CCT6B: variants seen among roughly 807,000 people sequenced by gnomAD.
CCT6B encodes the protein probable T-complex protein 1 subunit zeta-2.
In CCT6B, 49 loss-of-function variants were observed where a neutral mutation model predicts 61.5. That is an observed-to-expected ratio of 0.80 (90% CI 0.63 to 1.01). The LOEUF (loss-of-function observed/expected upper bound fraction) is 1.01, where lower values mean the gene tolerates loss of function less well. CCT6B is among the 50% of genes least tolerant of loss of function. The pLI is 0.00. For missense variants in CCT6B, 666 were observed against 634.7 expected (o/e 1.05, Z -0.53); for synonymous variants, 228 against 214.5 (o/e 1.06, Z -0.55).
chr17:34,931,240 C>T (rs1438802249), intron 11 of CCT6B, among the ~76,000 whole-genome samples, 189 bp from the exon 12 acceptor site: 1 of 151,920 alleles, frequency 6.6e-6, no homozygotes, highest in Non-Finnish European at 1.5e-5. Flanking sequence ...TTTATATTTA[C>T]TTAAACATTT....
chr17:34,953,979 TAAAC>T (rs553366823), intron 4 of CCT6B, among the ~76,000 whole-genome samples: 149 of 152,080 alleles, frequency 9.8e-4, no homozygotes, highest in Non-Finnish European at 1.8e-3. Context: ...AGAAATAAAC[TAAAC>T]AAACATACAT....
intron 8 of CCT6B, 32 bp from the exon 9 acceptor site, chr17:34,939,745 T>C (rs762642033): frequency 3.9e-6 from 5 of 1,288,860 alleles, no homozygotes; most frequent in South Asian, 3.6e-5. Context: ...CATAGCTTGA[T>C]TATGGAGAAC....
intron 7 of CCT6B, among the ~76,000 whole-genome samples, chr17:34,940,975 T>C (rs541717460): frequency 6.6e-6 from 1 of 152,296 alleles, no homozygotes; most frequent in East Asian, 1.9e-4. Flanking sequence ...GATTCTCATA[T>C]CTCATTCAGT....
At chr17:34,942,728 G>C in intron 6 of CCT6B, 68 bp downstream of exon 6, 1 of 1,487,998 alleles carries the variant, frequency 6.7e-7, no homozygotes, top group Non-Finnish European at 9.2e-7. Flanking sequence ...CATCTGGAAG[G>C]AAAAAGAGAT....
intron 12 of CCT6B, 42 bp downstream of exon 12, chr17:34,930,902 AAGAAT>A (rs1476915613): frequency 4.0e-6 from 4 of 988,098 alleles, no homozygotes; most frequent in African/African-American, 1.6e-5. Context: ...TGGGTAACTA[AAGAAT>A]AACCTCTTTA....
At chr17:34,938,763 T>C (rs1266716396) in intron 10 of CCT6B, among the ~76,000 whole-genome samples, 2 of 151,624 alleles carry the variant, frequency 1.3e-5, no homozygotes, top group Non-Finnish European at 2.9e-5. Context: ...ATAGATTAAA[T>C]AGATTAATAA....
At chr17:34,949,095 G>GGAAAA (rs142689005) in intron 5 of CCT6B, among the ~76,000 whole-genome samples, 67 of 86,350 alleles carry the variant, frequency 7.8e-4, no homozygotes, top group Non-Finnish European at 8.2e-4. Flanking sequence ...GGGAGGGGAG[G>GGAAAA]GAAAAGAAAA....
At chr17:34,932,230 A>G in intron 11 of CCT6B, 137 bp downstream of exon 11, 1 of 766,316 alleles carries the variant, frequency 1.3e-6, no homozygotes, top group South Asian at 3.3e-5. Flanking sequence ...TAGTTGTAAA[A>G]TATCTAAGAG....
intron 1 of CCT6B, among the ~76,000 whole-genome samples, chr17:34,960,688 G>C (rs1395795776): frequency 6.6e-6 from 1 of 152,150 alleles, no homozygotes; most frequent in African/African-American, 2.4e-5. Context: ...TCATTACTAT[G>C]AGGATGTGTC....
At chr17:34,944,453 T>C (rs1332877675) in intron 5 of CCT6B, 1 of 152,220 alleles carries the variant, frequency 6.6e-6, no homozygotes, top group Non-Finnish European at 1.5e-5. Context: ...CTATCATTAA[T>C]ACAAAAAATC....
chr17:34,933,362 G>T (rs1001939484), intron 10 of CCT6B, among the ~76,000 whole-genome samples: 4 of 152,174 alleles, frequency 2.6e-5, no homozygotes, highest in African/African-American at 9.7e-5. Context: ...GTTTCATAAA[G>T]TTTATGACTC....
intron 10 of CCT6B, among the ~76,000 whole-genome samples, chr17:34,937,012 A>G (rs1226190582): frequency 6.6e-6 from 1 of 152,068 alleles, no homozygotes; most frequent in Non-Finnish European, 1.5e-5. Context: ...AAAAAAATTA[A>G]CCAGGCATGG....
intron 7 of CCT6B, 83 bp from the exon 8 acceptor site, chr17:34,940,704 C>CCTG: frequency 3.3e-6 from 2 of 597,480 alleles, no homozygotes; most frequent in Non-Finnish European, 5.7e-6. Flanking sequence ...CCACTTTACT[C>CCTG]TCTTAAAAAT....
intron 10 of CCT6B, among the ~76,000 whole-genome samples, chr17:34,936,020 G>A (rs1025848796): frequency 2.4e-4 from 37 of 151,880 alleles, no homozygotes; most frequent in South Asian, 2.1e-4. Flanking sequence ...GCACGATCTC[G>A]GCTCACTACA....
intron 5 of CCT6B, chr17:34,943,939 T>C (rs962703060): frequency 6.6e-6 from 1 of 152,056 alleles, no homozygotes; most frequent in Admixed American, 6.6e-5. Flanking sequence ...TCAATATTTT[T>C]ATAACTTTAT....
intron 10 of CCT6B, among the ~76,000 whole-genome samples, chr17:34,935,999 A>G (rs1362014712): frequency 6.6e-6 from 1 of 152,052 alleles, no homozygotes; most frequent in Non-Finnish European, 1.5e-5. Context: ...CGCCCAGGCT[A>G]AAGTCCAGTG....
At chr17:34,931,784 C>G (rs1355749400) in intron 11 of CCT6B, among the ~76,000 whole-genome samples, 1 of 152,170 alleles carries the variant, frequency 6.6e-6, no homozygotes, top group Non-Finnish European at 1.5e-5. Context: ...ATGGTAATAG[C>G]ATCTTTGAAG....
chr17:34,934,935 A>G (rs1030419669), intron 10 of CCT6B, among the ~76,000 whole-genome samples: 7 of 152,240 alleles, frequency 4.6e-5, no homozygotes, highest in African/African-American at 1.7e-4. Flanking sequence ...AATTTTAGCC[A>G]ATTAAATCAA....
intron 10 of CCT6B, 124 bp downstream of exon 10, chr17:34,939,059 G>A (rs1177737896): frequency 5.2e-6 from 4 of 774,258 alleles, no homozygotes; most frequent in Non-Finnish European, 7.8e-6. Context: ...ACTAAAGCCT[G>A]GGCAACAGAG....
Sources: gnomAD v4.1 joint callset for allele counts (sites outside exome capture counted in the v4.1 genomes callset) on GRCh38, gnomAD v4.1.1 for gene constraint, MANE v1.5 for transcripts, NCBI Gene and HGNC (gene_info 2026-07-23, HGNC 2026-07-21) for gene names.